Variants in STPG1 observed in about 807,000 individuals in gnomAD.
STPG1 encodes the protein O(6)-methylguanine-induced apoptosis 2.
Under a neutral mutation model 40.1 loss-of-function variants are expected in STPG1, and 33 were observed. That is an observed-to-expected ratio of 0.82 (90% CI 0.62 to 1.10). The LOEUF is 1.10. STPG1 is among the 50% of genes least tolerant of loss of function. STPG1 has a pLI of 0.00. For missense variants in STPG1, 396 were observed against 415.1 expected, an observed-to-expected ratio of 0.95 and a Z score of 0.40; for synonymous variants, 150 against 155.0, an observed-to-expected ratio of 0.97 and a Z score of 0.24.
intron 2 of STPG1, among the ~76,000 whole-genome samples, chr1:24,396,479 A>G (rs942763948): frequency 6.6e-6 from 1 of 152,166 alleles, no homozygotes; most frequent in Non-Finnish European, 1.5e-5. Context: ...CTGGCTAGAT[A>G]GTAAATATTT....
At chr1:24,404,635 G>A (rs1160934190) in intron 1 of STPG1, among the ~76,000 whole-genome samples, 1 of 152,020 alleles carries the variant, frequency 6.6e-6, no homozygotes, top group East Asian at 1.9e-4. Context: ...CTTCTTAACC[G>A]AGCTTTGGTA....
At chr1:24,362,741 C>T (rs1357801360) in intron 7 of STPG1, among the ~76,000 whole-genome samples, 1 of 152,144 alleles carries the variant, frequency 6.6e-6, no homozygotes, top group African/African-American at 2.4e-5. Context: ...GGGACACCCC[C>T]CTGGTCAGAG....
chr1:24,382,115 T>A (rs548840031), intron 4 of STPG1, among the ~76,000 whole-genome samples: 2 of 152,354 alleles, frequency 1.3e-5, no homozygotes, highest in South Asian at 4.1e-4. Context: ...AAGGCGTGGC[T>A]AGGTTCTGTA....
chr1:24,413,384 G>A (rs1250246472), intron 1 of STPG1, among the ~76,000 whole-genome samples: 1 of 152,262 alleles, frequency 6.6e-6, no homozygotes, highest in African/African-American at 2.4e-5. Flanking sequence ...CGCGGAGCCT[G>A]AGCCAGAAGG....
At position 24,379,749 on chromosome 1, in the gene STPG1, G is replaced by A. The variant is rs1275638072; in HGVS notation, c.366C>T (p.Ser122=). Reference sequence around the variant, plus strand: ...AACACGAATTACTAAAGTCTCTCTTGGAAATAAAATCCGATGGGATAGTGT... The same window carrying A: ...AACACGAATTACTAAAGTCTCTCTTAGAAATAAAATCCGATGGGATAGTGT... ...NAYTIPSDFI[S]KRDFSNSCSS... The change falls in exon 5 of 9, where the codon TCC becomes TCT. Residue 122 remains serine (S), a synonymous_variant. Transcript: ENST00000337248. 6.2e-7 allele frequency: 1 copy of A among 1,614,144 alleles called. No homozygotes were observed. The highest frequency in any genetic ancestry group is 1.7e-5 in the Admixed American group (1 of 60,022).
intron 7 of STPG1, among the ~76,000 whole-genome samples, chr1:24,368,168 A>G (rs72880615): frequency 0.042 from 6,373 of 152,256 alleles, 370 homozygotes; most frequent in African/African-American, 0.13. Flanking sequence ...CTAGACCTGG[A>G]GGGCAGAAGG....
At chr1:24,389,058 T>C (rs1341117228) in intron 3 of STPG1, among the ~76,000 whole-genome samples, 1 of 152,196 alleles carries the variant, frequency 6.6e-6, no homozygotes, top group Non-Finnish European at 1.5e-5. Context: ...AAAGTTTTCA[T>C]GTTGTCAAGT....
At chr1:24,391,759 T>C (rs1642781861) in intron 2 of STPG1, 80 bp from the exon 3 acceptor site, 4 of 1,222,136 alleles carry the variant, frequency 3.3e-6, no homozygotes, top group Non-Finnish European at 4.4e-6. Flanking sequence ...AGGTGTATAT[T>C]AAAGTTTTAT....
chr1:24,398,427 G>C (rs949147411), intron 2 of STPG1, among the ~76,000 whole-genome samples: 2 of 152,094 alleles, frequency 1.3e-5, no homozygotes, highest in Non-Finnish European at 2.9e-5. Context: ...TTGAGACAGG[G>C]AGTGAAACTA....
At chr1:24,385,966 C>T (rs1642486905) in intron 3 of STPG1, among the ~76,000 whole-genome samples, 1 of 152,180 alleles carries the variant, frequency 6.6e-6, no homozygotes, top group Admixed American at 6.5e-5. Context: ...AGTGAAGACA[C>T]ACACCTCTAG....
At chr1:24,383,270 G>C (rs1348007988) in intron 4 of STPG1, among the ~76,000 whole-genome samples, 2 of 152,040 alleles carry the variant, frequency 1.3e-5, no homozygotes, top group Non-Finnish European at 2.9e-5. Context: ...TCCCCTTGCT[G>C]TATCTGTTTT....
At chr1:24,375,925 G>C (rs1642001188) in intron 5 of STPG1, among the ~76,000 whole-genome samples, 1 of 152,264 alleles carries the variant, frequency 6.6e-6, no homozygotes, top group Non-Finnish European at 1.5e-5. Context: ...GCCATGGAAA[G>C]AAATCTAAGA....
intron 2 of STPG1, among the ~76,000 whole-genome samples, chr1:24,392,425 A>G (rs533432150): frequency 1.3e-5 from 2 of 152,296 alleles, no homozygotes; most frequent in African/African-American, 4.8e-5. Context: ...TTGATGGCTG[A>G]TAGCTCTTCA....
At chr1:24,398,479 G>GTC (rs1643092419) in intron 2 of STPG1, among the ~76,000 whole-genome samples, 1 of 151,994 alleles carries the variant, frequency 6.6e-6, no homozygotes, top group Non-Finnish European at 1.5e-5. Context: ...TGTACTGAAG[G>GTC]TCTCTAGCCA....
At chr1:24,395,359 A>G (rs1642950186) in intron 2 of STPG1, among the ~76,000 whole-genome samples, 1 of 152,050 alleles carries the variant, frequency 6.6e-6, no homozygotes, top group African/African-American at 2.4e-5. Context: ...CACATAAAGG[A>G]ATGAAGCTCT....
intron 1 of STPG1, among the ~76,000 whole-genome samples, chr1:24,409,337 G>A (rs750298447): frequency 2.9e-4 from 44 of 152,150 alleles, no homozygotes; most frequent in Non-Finnish European, 6.2e-4. Flanking sequence ...TTCAGCCTGG[G>A]TGACAAAGTG....
chr1:24,411,084 A>T (rs1443197091), intron 1 of STPG1, among the ~76,000 whole-genome samples: 1 of 152,184 alleles, frequency 6.6e-6, no homozygotes, highest in East Asian at 1.9e-4. Flanking sequence ...GTAGGCTTGT[A>T]TTAATGTAGG....
intron 3 of STPG1, among the ~76,000 whole-genome samples, chr1:24,390,078 C>G (rs750128764): frequency 2.0e-5 from 3 of 152,228 alleles, no homozygotes; most frequent in African/African-American, 7.2e-5. Flanking sequence ...TCTCCTCATT[C>G]CCTCTCTGCC....
At position 24,357,890 on chromosome 1, in the gene STPG1, C is replaced by A. The variant is rs114389997; in HGVS notation, c.*653G>T. On this transcript the variant is annotated 3_prime_UTR_variant, in exon 9 of 9. Transcript: ENST00000337248. Reference sequence around the variant, plus strand: ...CAGGGAAAAGCGCAGCCCCCGGGCCCGGCCACTGCCATTCCAAGATGATCT... The same window carrying A: ...CAGGGAAAAGCGCAGCCCCCGGGCCAGGCCACTGCCATTCCAAGATGATCT... The A allele has an allele frequency of 3.0e-3, 951 of 320,840 alleles. 8 individuals carry two copies. Among genetic ancestry groups the A allele is most frequent in the African/African-American group, 0.019 (885 of 46,524 alleles). 19.9% of individuals were successfully genotyped at this position (320,840 alleles called of 1,614,324 possible). A position where few individuals can be genotyped will look rare whatever the true frequency, so the allele number is the denominator to read the frequency against.
Sources: allele counts gnomAD v4.1 joint callset (sites outside exome capture counted in the v4.1 genomes callset), GRCh38; gene constraint gnomAD v4.1.1; transcripts MANE v1.5; gene names NCBI Gene and HGNC (gene_info 2026-07-23, HGNC 2026-07-21).